MUSK: variants seen among roughly 807,000 people sequenced by gnomAD.
MUSK encodes the protein muscle associated receptor tyrosine kinase, also known as muscle, skeletal receptor tyrosine-protein kinase.
MUSK carries 55 observed loss-of-function variants against 88.7 expected under a neutral mutation model. The observed-to-expected ratio is 0.62, with a 90% CI of 0.50 to 0.78. The LOEUF (loss-of-function observed/expected upper bound fraction) is 0.78. Among genes scored for constraint, MUSK ranks in the 30% least tolerant of loss-of-function variants. The pLI is 0.00. For synonymous variants in MUSK, 387 were observed against 391.9 expected, an observed-to-expected ratio of 0.99 and a Z score of 0.15; for missense variants, 1,015 against 1,074.3, an observed-to-expected ratio of 0.94 and a Z score of 0.77.
chr9:110,675,751 G>T (rs1199502977), intron 1 of MUSK, among the ~76,000 whole-genome samples: 1 of 149,944 alleles, frequency 6.7e-6, no homozygotes, highest in Non-Finnish European at 1.5e-5. Context: ...TGTATTTTTA[G>T]TAGAGATGGG....
chr9:110,780,071 T>C (rs1050433532), intron 11 of MUSK, among the ~76,000 whole-genome samples: 1 of 152,222 alleles, frequency 6.6e-6, no homozygotes, highest in Non-Finnish European at 1.5e-5. Flanking sequence ...TCCAATCAGA[T>C]AGCCATTTTC....
intron 7 of MUSK, among the ~76,000 whole-genome samples, chr9:110,759,750 G>C (rs773263791): frequency 2.0e-5 from 3 of 152,198 alleles, no homozygotes; most frequent in Non-Finnish European, 4.4e-5. Flanking sequence ...TTAGAGAAAT[G>C]CAAATCAAAA....
chr9:110,753,625 G>A (rs1248330477), intron 7 of MUSK, among the ~76,000 whole-genome samples: 1 of 151,916 alleles, frequency 6.6e-6, no homozygotes, highest in Non-Finnish European at 1.5e-5. Context: ...AATGTAAGCC[G>A]CTCCCCATTC....
chr9:110,787,677 A>C lies in MUSK; in HGVS notation c.1779-13A>C. On this transcript the variant is annotated splice_polypyrimidine_tract_variant and intron_variant, in intron 13 of 14. Transcript: ENST00000374448. Reference sequence around the variant, plus strand: ...TGATCTTTGGTTTCTTTTTCAATAAATGTATCTCTCAGGGCACCAGGCTTA... The same window carrying C: ...TGATCTTTGGTTTCTTTTTCAATAACTGTATCTCTCAGGGCACCAGGCTTA... 1 of 1,609,928 alleles carries C rather than the reference A, an allele frequency of 6.2e-7. No homozygotes were observed. Among genetic ancestry groups the C allele is most frequent in the Non-Finnish European group, 8.5e-7 (1 of 1,178,728 alleles).
At chr9:110,776,458 A>C (rs564996312) in intron 10 of MUSK, among the ~76,000 whole-genome samples, 174 bp from the exon 11 acceptor site, 30 of 152,340 alleles carry the variant, frequency 2.0e-4, no homozygotes, top group Non-Finnish European at 3.4e-4. Flanking sequence ...TATCCCTAAC[A>C]GCTGGTTTAA....
intron 7 of MUSK, among the ~76,000 whole-genome samples, chr9:110,756,270 T>C (rs993678836): frequency 6.6e-6 from 1 of 151,918 alleles, no homozygotes; most frequent in African/African-American, 2.4e-5. Flanking sequence ...TATTGCACAG[T>C]GCCCTGATGT....
intron 8 of MUSK, among the ~76,000 whole-genome samples, chr9:110,763,049 G>A (rs530809789): frequency 6.6e-6 from 1 of 151,818 alleles, no homozygotes; most frequent in East Asian, 1.9e-4. Flanking sequence ...CCCACAATGC[G>A]TACATGTTTT....
At chr9:110,725,206 G>A (rs916913049) in intron 5 of MUSK, among the ~76,000 whole-genome samples, 11 of 152,026 alleles carry the variant, frequency 7.2e-5, no homozygotes, top group Admixed American at 2.6e-4. Flanking sequence ...CTAAGATAAT[G>A]AGGATGCAAA....
chr9:110,695,966 A>T (rs1245969561), intron 4 of MUSK, among the ~76,000 whole-genome samples: 1 of 152,138 alleles, frequency 6.6e-6, no homozygotes, highest in Non-Finnish European at 1.5e-5. Context: ...AGGCGAAAAG[A>T]CTCAAGACTC....
At chr9:110,681,725 C>T (rs1483681543) in intron 1 of MUSK, among the ~76,000 whole-genome samples, 2 of 151,646 alleles carry the variant, frequency 1.3e-5, no homozygotes, top group African/African-American at 4.8e-5. Context: ...TTTGACTTTA[C>T]CAAAAAATAA....
rs2077432131 is a variant in MUSK at position 110,763,561 on chromosome 9, C to T, written c.920+1353C>T. Among the ~76,000 whole-genome samples the T allele has an allele frequency of 2.6e-5, 4 of 152,106 alleles. No homozygotes were observed. In the South Asian group the frequency reaches 8.3e-4, roughly 32 times the overall value. ...GACGCGAAAGAATAGAAACAGTTCC[C>T]GTTTGCTTTGAAGGTTGGAAGTAGC... On this transcript the variant is annotated intron_variant, in intron 8 of 14. Transcript: ENST00000374448.
chr9:110,735,780 C>T (rs575958678), intron 6 of MUSK, among the ~76,000 whole-genome samples: 1 of 152,146 alleles, frequency 6.6e-6, no homozygotes, highest in African/African-American at 2.4e-5. Context: ...CAGAAACTTA[C>T]AATCATGGCA....
In MUSK at chr9:110,787,785, G is replaced by C; in HGVS notation, c.1874G>C (p.Arg625Thr). Residue 625 changes from arginine (R) to threonine (T), a missense_variant, in exon 14 of 15, where the codon AGG becomes ACG. Coordinates refer to ENST00000374448, the MANE Select transcript of MUSK (RefSeq NM_005592.4). ...GCAGATATGCAAGCGGACTTTCAGAGGGAGGCAGCCCTCATGGCAGAATTT... is the reference window on the plus strand; with the variant it reads ...GCAGATATGCAAGCGGACTTTCAGACGGAGGCAGCCCTCATGGCAGAATTT... ...ASADMQADFQ[R>T]EAALMAEFDN... is the part of the protein sequence containing the mutation. 6.2e-7 allele frequency: 1 copy of C among 1,613,664 alleles called. No individual in the cohort carries two copies. The highest frequency in any genetic ancestry group is 8.5e-7 in the Non-Finnish European group (1 of 1,179,768).
intron 9 of MUSK, among the ~76,000 whole-genome samples, chr9:110,770,262 A>G (rs1362541134): frequency 6.8e-6 from 1 of 147,980 alleles, no homozygotes; most frequent in Non-Finnish European, 1.5e-5. Context: ...TAAATTTCAT[A>G]TTTAAAAATA....
At chr9:110,767,736 G>A (rs2077505765) in intron 8 of MUSK, 84 bp from the exon 9 acceptor site, 2 of 1,525,878 alleles carry the variant, frequency 1.3e-6, no homozygotes, top group Non-Finnish European at 1.8e-6. Context: ...AGACACAGAT[G>A]TGAAAACCAA....
At chr9:110,780,593 T>A (rs887533327) in intron 11 of MUSK, among the ~76,000 whole-genome samples, 2 of 152,228 alleles carry the variant, frequency 1.3e-5, no homozygotes, top group Non-Finnish European at 2.9e-5. Context: ...TGTTTTCTTT[T>A]ATTTGGGTAG....
intron 5 of MUSK, among the ~76,000 whole-genome samples, chr9:110,702,908 T>TA (rs201458336): frequency 1.5e-3 from 215 of 147,730 alleles, no homozygotes; most frequent in African/African-American, 4.8e-3. Context: ...AAAAAAATAA[T>TA]AATAAAAAAC....
chr9:110,769,796 A>G (rs1347386403), intron 9 of MUSK, among the ~76,000 whole-genome samples: 1 of 146,988 alleles, frequency 6.8e-6, no homozygotes, highest in Non-Finnish European at 1.5e-5. Flanking sequence ...TACTACTAAC[A>G]TAATTTGTGG....
chr9:110,753,445 GGA>G (rs2077272290), intron 7 of MUSK, among the ~76,000 whole-genome samples: 1 of 80,872 alleles, frequency 1.2e-5, no homozygotes, highest in African/African-American at 4.9e-5. Context: ...ATCTCAAAAA[GGA>G]AAAAAAAAAA....
Sources: allele counts gnomAD v4.1 joint callset (sites outside exome capture counted in the v4.1 genomes callset), GRCh38; gene constraint gnomAD v4.1.1; transcripts MANE v1.5; gene names NCBI Gene and HGNC (gene_info 2026-07-23, HGNC 2026-07-21).